DUOX1: variants seen among roughly 807,000 people sequenced by gnomAD.
The protein encoded by DUOX1 is dual oxidase 1, also known as NADPH thyroid oxidase 1.
DUOX1 carries 134 observed loss-of-function variants against 181.8 expected under a neutral mutation model. That is an observed-to-expected ratio of 0.74 (90% CI 0.64 to 0.85). The LOEUF (loss-of-function observed/expected upper bound fraction) is 0.85, where lower values mean the gene tolerates loss of function less well. DUOX1 is among the 40% of genes least tolerant of loss of function. The probability of loss-of-function intolerance (pLI) is 0.00; values close to 1 mark genes in which losing one functional copy is unlikely to be tolerated. For missense variants in DUOX1, 1,814 were observed against 2,064.4 expected (o/e 0.88, Z 2.35); for synonymous variants, 798 against 832.5 (o/e 0.96, Z 0.71).
intron 28 of DUOX1, 29 bp from the exon 29 acceptor site, chr15:45,160,808 G>T (rs1183277438): frequency 6.3e-7 from 1 of 1,581,354 alleles, no homozygotes; most frequent in Admixed American, 1.7e-5. Flanking sequence ...GCATCGCTAG[G>T]TCTGAGCAGA....
In DUOX1 at chr15:45,162,350, C is replaced by G; in HGVS notation, c.4221C>G (p.Ser1407=). Residue 1407 remains serine, a synonymous_variant, in exon 31 of 34, where the codon TCC becomes TCG. Transcript: ENST00000389037. The part of the protein sequence containing the change: ...SILKDLVFKS[S]VSCQVFCKKI... ...TCAAAGACCTGGTCTTCAAGTCATC[C>G]GTCAGCTGCCAAGTGTTCTGTAAGA... 6.2e-7 allele frequency: 1 copy of G among 1,614,040 alleles called. No individual in the cohort carries two copies. The highest frequency in any genetic ancestry group is 2.2e-5 in the East Asian group (1 of 44,868).
chr15:45,161,133 G>C, intron 29 of DUOX1, 143 bp downstream of exon 29: 1 of 1,290,636 alleles, frequency 7.7e-7, no homozygotes, highest in Non-Finnish European at 1.1e-6. Flanking sequence ...GCTGGTAGGG[G>C]CAAGGCGCAG....
rs369827196 is a variant in DUOX1 at position 45,144,169 on chromosome 15, C to T, written c.2070C>T (p.Asn690=). ...AGCTGCAGCCTCCACAGAAGGTCAACTTCGTCCTGTCCAGCAACCGTGGAC... is the reference window on the plus strand; with the variant it reads ...AGCTGCAGCCTCCACAGAAGGTCAATTTCGTCCTGTCCAGCAACCGTGGAC... ...TIQLQPPQKV[N]FVLSSNRGRR... is the part of the protein sequence containing the mutation. Residue 690 remains asparagine (N), a synonymous_variant, in exon 17 of 34, where the codon AAC becomes AAT. Transcript: ENST00000389037. 5 of 1,614,184 alleles carry T rather than the reference C, an allele frequency of 3.1e-6. No homozygotes were observed. The African/African-American group carries it at 4.0e-5, about 13-fold the overall frequency.
chr15:45,147,493 C>A lies in DUOX1; in HGVS notation c.2383C>A (p.Arg795=). 1 of 1,614,026 alleles carries A rather than the reference C, an allele frequency of 6.2e-7. No individual in the cohort carries two copies. Among genetic ancestry groups the A allele is most frequent in the Non-Finnish European group, 8.5e-7 (1 of 1,179,978 alleles). ...GCCCCTGGACTCCTCCCAGAAGGTG[C>A]GGGAGGCCCTGACCTGTGAGCTGAG... ...TLPLDSSQKV[R]EALTCELSRA... Residue 795 remains arginine (R), a synonymous_variant, in exon 19 of 34, where the codon CGG becomes AGG. Coordinates refer to ENST00000389037, the MANE Select transcript of DUOX1 (RefSeq NM_175940.3).
chr15:45,157,059 C>G (rs2141298842), intron 28 of DUOX1, among the ~76,000 whole-genome samples: 1 of 152,324 alleles, frequency 6.6e-6, no homozygotes, highest in Middle Eastern at 3.4e-3. Context: ...CAAAGAGAAA[C>G]TGCACCATGG....
chr15:45,134,346 G>A, intron 4 of DUOX1, 37 bp downstream of exon 4: 1 of 1,559,002 alleles, frequency 6.4e-7, no homozygotes, highest in Non-Finnish European at 8.6e-7. Flanking sequence ...AAGCCGGTGG[G>A]GTCGGCTGGA....
chr15:45,150,654 C>A lies in DUOX1; in HGVS notation c.2841C>A (p.Ile947=). 6.2e-7 allele frequency: 1 copy of A among 1,614,012 alleles called. No homozygotes were observed. Among genetic ancestry groups the A allele is most frequent in the Non-Finnish European group, 8.5e-7 (1 of 1,180,016 alleles). Reference sequence around the variant, plus strand: ...CAGGGGTGGAGGTGCCTGAAGTCATCAAGGACCTCTGCCGGCGAGCCTCCT... The same window carrying A: ...CAGGGGTGGAGGTGCCTGAAGTCATAAAGGACCTCTGCCGGCGAGCCTCCT... ...CVKGVEVPEV[I]KDLCRRASYI... Residue 947 remains isoleucine (I), a synonymous_variant, in exon 22 of 34, where the codon ATC becomes ATA. Transcript: ENST00000389037.
chr15:45,142,537 TCAA>T (rs1185778897), intron 15 of DUOX1, among the ~76,000 whole-genome samples: 3 of 151,838 alleles, frequency 2.0e-5, no homozygotes, highest in Non-Finnish European at 4.4e-5. Context: ...ACCAGCCTGA[TCAA>T]CATGGAGAAA....
intron 7 of DUOX1, among the ~76,000 whole-genome samples, 184 bp from the exon 8 acceptor site, chr15:45,136,166 C>G (rs1896307885): frequency 6.6e-6 from 1 of 152,168 alleles, no homozygotes; most frequent in African/African-American, 2.4e-5. Context: ...CCCCACCCCC[C>G]ACTCCCTCAA....
At chr15:45,133,449 G>A (rs1567006552) in intron 2 of DUOX1, among the ~76,000 whole-genome samples, 2 of 152,166 alleles carry the variant, frequency 1.3e-5, no homozygotes, top group South Asian at 2.1e-4. Context: ...AGTGTGGCTG[G>A]CTCTTGCTCT....
rs773299350 is a variant in DUOX1 at position 45,151,147 on chromosome 15, C to T, written c.2913C>T (p.Arg971=). 1.6e-5 allele frequency: 26 copies of T among 1,614,098 alleles called. No individual in the cohort carries two copies. In the South Asian group the frequency reaches 2.7e-4, roughly 17 times the overall value. ...GTCCCTCTCCCAGAGTGAGTGCCCG[C>T]TGTTCCCGCAGCGACATTGAGACTG... The part of the protein sequence containing the change: ...MICPSPRVSA[R]CSRSDIETEL... Residue 971 remains arginine (R), a synonymous_variant, in exon 23 of 34, where the codon CGC becomes CGT. Coordinates refer to ENST00000389037, the MANE Select transcript of DUOX1 (RefSeq NM_175940.3).
intron 15 of DUOX1, 50 bp from the exon 16 acceptor site, chr15:45,143,140 C>T (rs774797759): frequency 6.9e-7 from 1 of 1,448,822 alleles, no homozygotes; most frequent in South Asian, 1.2e-5. Context: ...GAGCTGCTTC[C>T]ATCCCCTAGA....
chr15:45,136,613 G>T lies in DUOX1; in HGVS notation c.1010G>T (p.Gly337Val). 6.2e-7 allele frequency: 1 copy of T among 1,614,102 alleles called. No individual in the cohort carries two copies. The highest frequency in any genetic ancestry group is 8.5e-7 in the Non-Finnish European group (1 of 1,180,036). Reference sequence around the variant, plus strand: ...TTCCTGTCCACCATGGTGCCCCCTGGCGTCTACATGAGGTGAGGGAGGGGC... The same window carrying T: ...TTCCTGTCCACCATGGTGCCCCCTGTCGTCTACATGAGGTGAGGGAGGGGC... ...EQFLSTMVPP[G>V]VYMRNASCHF... The change falls in exon 9 of 34, where the codon GGC becomes GTC. Residue 337 changes from glycine (G) to valine (V), a missense_variant. Gly to Val is a moderately radical substitution (Grantham distance 109, BLOSUM62 -3). Transcript: ENST00000389037.
intron 23 of DUOX1, among the ~76,000 whole-genome samples, chr15:45,151,509 G>C (rs976403658): frequency 2.5e-4 from 38 of 152,198 alleles, no homozygotes; most frequent in South Asian, 2.1e-4. Context: ...GGAGGTCAGA[G>C]ATGCCTTCAT....
intron 21 of DUOX1, 116 bp downstream of exon 21, chr15:45,148,563 A>T: frequency 8.4e-7 from 1 of 1,185,886 alleles, no homozygotes; most frequent in Non-Finnish European, 1.2e-6. Context: ...CAGAAGAAAA[A>T]AATGAATGTA....
Position 45,143,306 on chromosome 15 carries a change from A to G in DUOX1, c.1936+3A>G. ...GAAGCTCGTGGGAGGCATGGAAGGT[A>G]GGTCTAGGGCTGGCCAGGGTGGTGG... On this transcript the variant is annotated splice_donor_region_variant and intron_variant, in intron 16 of 33. Coordinates refer to ENST00000389037, the MANE Select transcript of DUOX1 (RefSeq NM_175940.3). 1 of 1,612,992 alleles carries G rather than the reference A, an allele frequency of 6.2e-7. No individual in the cohort carries two copies. The highest frequency in any genetic ancestry group is 1.1e-5 in the South Asian group (1 of 91,032).
At chr15:45,148,606 T>C (rs1280563700) in intron 21 of DUOX1, 159 bp downstream of exon 21, 3 of 597,868 alleles carry the variant, frequency 5.0e-6, no homozygotes, top group South Asian at 5.9e-5. Flanking sequence ...ATCTGGATTG[T>C]AGTTTTCTTT....
Position 45,138,017 on chromosome 15 carries a change from C to G in DUOX1, c.1113+3C>G. On this transcript the variant is annotated splice_donor_region_variant and intron_variant, in intron 10 of 33. Transcript: ENST00000389037. The stretch of plus-strand genomic sequence containing the variant: ...GCAACAGCTACTGGAGCCGTGAGGT[C>G]CGAGCTGGGGGCCACATATGTGGTG... 2 of 1,602,962 alleles carry G rather than the reference C, an allele frequency of 1.2e-6. No homozygotes were observed. Among genetic ancestry groups the G allele is most frequent in the Non-Finnish European group, 1.7e-6 (2 of 1,173,566 alleles).
intron 20 of DUOX1, 89 bp from the exon 21 acceptor site, chr15:45,148,183 A>C: frequency 1.9e-6 from 3 of 1,581,068 alleles, no homozygotes; most frequent in Non-Finnish European, 2.6e-6. Flanking sequence ...ACATGGGCAC[A>C]GAGAACTTGG....
Sources: gnomAD v4.1 joint callset for allele counts (sites outside exome capture counted in the v4.1 genomes callset) on GRCh38, gnomAD v4.1.1 for gene constraint, MANE v1.5 for transcripts, NCBI Gene and HGNC (gene_info 2026-07-23, HGNC 2026-07-21) for gene names.